Variants in CAPN11 observed in about 807,000 individuals in gnomAD.
The protein encoded by CAPN11 is calpain-11.
CAPN11 carries 108 observed loss-of-function variants against 105.3 expected under a neutral mutation model. The observed-to-expected ratio is 1.03, with a 90% CI of 0.88 to 1.20. CAPN11 has a LOEUF of 1.20. Among genes scored for constraint, CAPN11 ranks in the 50% most tolerant of loss-of-function variants. The probability of loss-of-function intolerance (pLI) is 0.00; values close to 1 mark genes in which losing one functional copy is unlikely to be tolerated. For missense variants in CAPN11, 883 were observed against 924.8 expected (o/e 0.95, Z 0.59); for synonymous variants, 329 against 344.5 (o/e 0.96, Z 0.50).
In CAPN11 at chr6:44,184,099, G is replaced by A. The variant is rs1774206537; in HGVS notation, c.*167G>A. Reference sequence around the variant, plus strand: ...AGGTGCCGTGTTTACTGCAGCAGTGGGACCTCCGTGCCCACTCCCCCAGCT... The same window carrying A: ...AGGTGCCGTGTTTACTGCAGCAGTGAGACCTCCGTGCCCACTCCCCCAGCT... On this transcript the variant is annotated 3_prime_UTR_variant, in exon 23 of 23. Transcript: ENST00000398776. 3.0e-6 allele frequency: 2 copies of A among 675,786 alleles called. No homozygotes were observed. Among genetic ancestry groups the A allele is most frequent in the Non-Finnish European group, 5.1e-6 (2 of 395,620 alleles). 41.9% of individuals were successfully genotyped at this position (675,786 alleles called of 1,614,324 possible).
chr6:44,175,409 G>A (rs1179469726), intron 7 of CAPN11, among the ~76,000 whole-genome samples: 1 of 151,378 alleles, frequency 6.6e-6, no homozygotes, highest in Non-Finnish European at 1.5e-5. Context: ...GAATCTGGGA[G>A]GTTGAGGCTG....
At chr6:44,182,584 C>T (rs1773960871) in intron 19 of CAPN11, among the ~76,000 whole-genome samples, 1 of 152,048 alleles carries the variant, frequency 6.6e-6, no homozygotes, top group South Asian at 2.1e-4. Flanking sequence ...AGCCAACTGT[C>T]CTAAAGTATT....
chr6:44,165,704 A>C (rs931129799), intron 1 of CAPN11, among the ~76,000 whole-genome samples: 6 of 152,148 alleles, frequency 3.9e-5, no homozygotes, highest in Non-Finnish European at 8.8e-5. Context: ...GGGTCTCCCC[A>C]AGTCTGGAAC....
At chr6:44,181,365 G>A in intron 19 of CAPN11, 45 bp downstream of exon 19, 1 of 1,557,736 alleles carries the variant, frequency 6.4e-7, no homozygotes, top group South Asian at 1.1e-5. Context: ...AGGAAAAGAG[G>A]GTCTTAGGAG....
At position 44,183,247 on chromosome 6, in the gene CAPN11, A is replaced by T. The variant is rs1470516261; in HGVS notation, c.2134+12A>T. On this transcript the variant is annotated intron_variant, in intron 21 of 22. Transcript: ENST00000398776. Reference sequence around the variant, plus strand: ...AAAGACCATGTTCAGTGAGTTAGGCATCTACCCACTCCCCAGCCTAGGCCA... The same window carrying T: ...AAAGACCATGTTCAGTGAGTTAGGCTTCTACCCACTCCCCAGCCTAGGCCA... 2.6e-6 allele frequency: 4 copies of T among 1,534,752 alleles called. No homozygotes were observed. The highest frequency in any genetic ancestry group is 2.2e-5 in the East Asian group (1 of 44,520).
intron 1 of CAPN11, among the ~76,000 whole-genome samples, chr6:44,162,407 AC>A: frequency 6.8e-6 from 1 of 147,000 alleles, no homozygotes; most frequent in Non-Finnish European, 1.5e-5. Flanking sequence ...ACACACACAC[AC>A]ACCTGTAATC....
chr6:44,182,363 G>A (rs954880283), intron 19 of CAPN11, among the ~76,000 whole-genome samples: 1 of 151,662 alleles, frequency 6.6e-6, no homozygotes, highest in Non-Finnish European at 1.5e-5. Flanking sequence ...GGGTCTGTTG[G>A]AGTGTGGCAT....
chr6:44,170,807 C>T (rs1770860743), intron 4 of CAPN11, among the ~76,000 whole-genome samples: 1 of 152,160 alleles, frequency 6.6e-6, no homozygotes. Context: ...GTCTACTCAG[C>T]CCACTCTCAC....
intron 19 of CAPN11, 104 bp from the exon 20 acceptor site, chr6:44,182,837 G>A (rs1774015896): frequency 1.3e-6 from 1 of 794,844 alleles, no homozygotes; most frequent in Non-Finnish European, 2.1e-6. Context: ...GCCTTTCAAA[G>A]TGCTGGGATT....
In CAPN11 at chr6:44,183,160, A is replaced by T; in HGVS notation, c.2059A>T (p.Arg687Trp). The change falls in exon 21 of 23, where the codon AGG (arginine) becomes TGG (tryptophan). Residue 687 changes from arginine (R) to tryptophan (W), a missense_variant. By Grantham distance (101) the Arg-to-Trp change is moderately radical. Transcript: ENST00000398776. ...NNKVMQVLVA[R>W]YADDDLIIDF... ...CAAGGTAATGCAGGTCCTGGTGGCC[A>T]GGTATGCAGATGATGACCTGATCAT... The T allele has an allele frequency of 6.2e-7, 1 of 1,613,706 alleles. No individual in the cohort carries two copies. The highest frequency in any genetic ancestry group is 8.5e-7 in the Non-Finnish European group (1 of 1,179,684).
At chr6:44,182,906 G>T (rs780268201) in intron 19 of CAPN11, 35 bp from the exon 20 acceptor site, 7 of 1,471,168 alleles carry the variant, frequency 4.8e-6, no homozygotes, top group Non-Finnish European at 6.6e-6. Flanking sequence ...ACCATGCCAT[G>T]CATGTGGCCC....
At chr6:44,179,404 T>G (rs1468088976) in intron 12 of CAPN11, among the ~76,000 whole-genome samples, 1 of 150,556 alleles carries the variant, frequency 6.6e-6, no homozygotes, top group Non-Finnish European at 1.5e-5. Context: ...GCTCAAGCAA[T>G]CCTCCCACCT....
chr6:44,173,156 G>T, intron 6 of CAPN11, 62 bp from the exon 7 acceptor site: 1 of 1,604,284 alleles, frequency 6.2e-7, no homozygotes, highest in Non-Finnish European at 8.5e-7. Flanking sequence ...GGGGTAGCAG[G>T]ACATCCCTCC....
chr6:44,168,141 A>G (rs947885272), intron 2 of CAPN11, among the ~76,000 whole-genome samples: 2 of 152,162 alleles, frequency 1.3e-5, no homozygotes, highest in Non-Finnish European at 2.9e-5. Flanking sequence ...CCTCCCAAAG[A>G]AACCCCATAC....
intron 19 of CAPN11, among the ~76,000 whole-genome samples, chr6:44,182,447 C>G (rs964743362): frequency 6.6e-6 from 1 of 152,170 alleles, no homozygotes; most frequent in Non-Finnish European, 1.5e-5. Flanking sequence ...ACACAAAGAG[C>G]GCTGGGCAGG....
chr6:44,174,515 C>CAAA (rs66536720), intron 7 of CAPN11, among the ~76,000 whole-genome samples: 4 of 77,296 alleles, frequency 5.2e-5, no homozygotes, highest in African/African-American at 1.1e-4. Flanking sequence ...TCATCTCTAC[C>CAAA]AAAAAAAAAA....
At position 44,158,870 on chromosome 6, in the gene CAPN11, C is replaced by A; in HGVS notation, c.16+6C>A. The A allele has an allele frequency of 6.4e-7, 1 of 1,551,272 alleles. No homozygotes were observed. The highest frequency in any genetic ancestry group is 1.4e-5 in the African/African-American group (1 of 73,130). ...CAGCATGCTGTACTCCCCAGGTAGG[C>A]ACTCATGGGGCCTTGCCCCACTCCT... On this transcript the variant is annotated splice_donor_region_variant and intron_variant, in intron 1 of 22. Coordinates refer to ENST00000398776, the MANE Select transcript of CAPN11 (RefSeq NM_007058.4).
chr6:44,179,540 C>A, intron 12 of CAPN11, 79 bp from the exon 13 acceptor site: 1 of 1,251,994 alleles, frequency 8.0e-7, no homozygotes, highest in Non-Finnish European at 1.2e-6. Context: ...ACACACTATA[C>A]ACATCCCACT....
intron 12 of CAPN11, 69 bp from the exon 13 acceptor site, chr6:44,179,550 T>C: frequency 7.2e-7 from 1 of 1,383,266 alleles, no homozygotes; most frequent in Non-Finnish European, 1.0e-6. Context: ...CACATCCCAC[T>C]TGGCTTCTGA....
Sources: allele counts gnomAD v4.1 joint callset (sites outside exome capture counted in the v4.1 genomes callset), GRCh38; gene constraint gnomAD v4.1.1; transcripts MANE v1.5; gene names NCBI Gene and HGNC (gene_info 2026-07-23, HGNC 2026-07-21).